The following ASIC2 variants were observed in gnomAD, a reference collection of about 807,000 sequenced individuals.
ASIC2 encodes the protein acid sensing ion channel subunit 2.
In ASIC2, 25 loss-of-function variants were observed where a neutral mutation model predicts 57.3. That is an observed-to-expected ratio of 0.44 (90% confidence interval 0.32 to 0.61). The LOEUF (loss-of-function observed/expected upper bound fraction) is 0.61, where lower values mean the gene tolerates loss of function less well. Among genes scored for constraint, ASIC2 ranks in the 20% least tolerant of loss-of-function variants. The pLI, the probability that ASIC2 is intolerant of heterozygous loss-of-function variation, is 0.06. For synonymous variants in ASIC2, 319 were observed against 307.5 expected (o/e 1.04, Z -0.39); for missense variants, 641 against 738.1 (o/e 0.87, Z 1.52).
At chr17:34,094,886 C>A (rs1161130156) in intron 1 of ASIC2, among the ~76,000 whole-genome samples, 1 of 152,212 alleles carries the variant, frequency 6.6e-6, no homozygotes, top group Non-Finnish European at 1.5e-5. Context: ...TTGAGATTCT[C>A]ATGCTGGAAT....
intron 1 of ASIC2, chr17:34,006,648 A>G (rs1906535443): frequency 6.6e-6 from 1 of 152,036 alleles, no homozygotes; most frequent in African/African-American, 2.4e-5. Context: ...CAGAATCATT[A>G]TATATATTCA....
intron 1 of ASIC2, among the ~76,000 whole-genome samples, chr17:33,667,759 G>A (rs867606902): frequency 3.3e-5 from 5 of 152,184 alleles, no homozygotes; most frequent in African/African-American, 9.7e-5. Context: ...CTGAAAGCAA[G>A]GGTTCACTGG....
At chr17:33,325,735 A>G (rs1907050137) in intron 1 of ASIC2, among the ~76,000 whole-genome samples, 1 of 152,178 alleles carries the variant, frequency 6.6e-6, no homozygotes, top group Non-Finnish European at 1.5e-5. Flanking sequence ...GATCATGGCT[A>G]TAATCCAAGC....
At chr17:34,123,167 C>T (rs543929646) in intron 1 of ASIC2, among the ~76,000 whole-genome samples, 1 of 152,240 alleles carries the variant, frequency 6.6e-6, no homozygotes, top group African/African-American at 2.4e-5. Flanking sequence ...AGGGTGATAA[C>T]AAGCTCTGGG....
At chr17:33,641,678 G>C (rs1487485692) in intron 1 of ASIC2, among the ~76,000 whole-genome samples, 1 of 152,128 alleles carries the variant, frequency 6.6e-6, no homozygotes, top group East Asian at 1.9e-4. Context: ...CCAAAACATA[G>C]GAAGACCGAG....
At chr17:33,649,779 G>A (rs1906860782) in intron 1 of ASIC2, among the ~76,000 whole-genome samples, 1 of 152,138 alleles carries the variant, frequency 6.6e-6, no homozygotes, top group Non-Finnish European at 1.5e-5. Flanking sequence ...AGTAAAGGAA[G>A]GTAAATTTTG....
chr17:33,958,618 G>A (rs1366661762), intron 1 of ASIC2, among the ~76,000 whole-genome samples: 1 of 152,146 alleles, frequency 6.6e-6, no homozygotes, highest in Non-Finnish European at 1.5e-5. Flanking sequence ...ACCATGTCCA[G>A]AGGCTGCACA....
At chr17:33,851,512 AC>A (rs770841828) in intron 1 of ASIC2, among the ~76,000 whole-genome samples, 1 of 152,254 alleles carries the variant, frequency 6.6e-6, no homozygotes, top group Non-Finnish European at 1.5e-5. Context: ...AAACAAAAAA[AC>A]AATCCACAAC....
intron 1 of ASIC2, among the ~76,000 whole-genome samples, chr17:33,426,337 A>T (rs1306869117): frequency 6.6e-6 from 1 of 152,208 alleles, no homozygotes; most frequent in Non-Finnish European, 1.5e-5. Flanking sequence ...GTGAATGCTC[A>T]TAATGAGAAG....
intron 3 of ASIC2, among the ~76,000 whole-genome samples, chr17:33,062,276 CCTG>C (rs1266960423): frequency 1.3e-5 from 2 of 152,124 alleles, no homozygotes; most frequent in Non-Finnish European, 2.9e-5. Flanking sequence ...TTAGATCTTT[CCTG>C]CTTTCTCTTG....
chr17:33,210,836 G>C (rs952593080), intron 1 of ASIC2, among the ~76,000 whole-genome samples: 1 of 152,126 alleles, frequency 6.6e-6, no homozygotes, highest in Non-Finnish European at 1.5e-5. Context: ...GGGTACCCTT[G>C]TTTCCCACTT....
intron 1 of ASIC2, among the ~76,000 whole-genome samples, chr17:33,203,114 A>G (rs916443220): frequency 6.6e-6 from 1 of 152,138 alleles, no homozygotes; most frequent in Admixed American, 6.5e-5. Flanking sequence ...TTGGCTAAAC[A>G]CCTAGGAGCC....
At chr17:33,415,896 C>T (rs1179658529) in intron 1 of ASIC2, among the ~76,000 whole-genome samples, 1 of 152,222 alleles carries the variant, frequency 6.6e-6, no homozygotes, top group Admixed American at 6.5e-5. Context: ...TCTGTTCCGC[C>T]TGGAACCTGT....
At chr17:33,213,028 A>G (rs1216576735) in intron 1 of ASIC2, among the ~76,000 whole-genome samples, 3 of 152,214 alleles carry the variant, frequency 2.0e-5, no homozygotes, top group Non-Finnish European at 4.4e-5. Context: ...AACTAATCGT[A>G]TAAACACAGT....
intron 1 of ASIC2, among the ~76,000 whole-genome samples, chr17:34,058,667 C>T (rs1179998003): frequency 6.7e-6 from 1 of 149,486 alleles, no homozygotes; most frequent in African/African-American, 2.5e-5. Context: ...TTAGCATTTC[C>T]TCCTACATAT....
intron 1 of ASIC2, among the ~76,000 whole-genome samples, chr17:34,085,721 T>C (rs909970240): frequency 6.6e-6 from 1 of 152,152 alleles, no homozygotes; most frequent in African/African-American, 2.4e-5. Context: ...TCAGCTCCTG[T>C]TATTGGTCTA....
chr17:33,098,111 G>C (rs2092191416), intron 2 of ASIC2, among the ~76,000 whole-genome samples: 1 of 152,186 alleles, frequency 6.6e-6, no homozygotes, highest in Non-Finnish European at 1.5e-5. Flanking sequence ...TGAAGCAGGG[G>C]CTGATCTCTC....
At chr17:33,141,066 T>G (rs918089070) in intron 1 of ASIC2, among the ~76,000 whole-genome samples, 2 of 152,018 alleles carry the variant, frequency 1.3e-5, no homozygotes, top group African/African-American at 4.8e-5. Flanking sequence ...GTCGCCTGTC[T>G]CCCTCATTGG....
intron 1 of ASIC2, among the ~76,000 whole-genome samples, chr17:33,513,888 T>A (rs1461653684): frequency 6.6e-6 from 1 of 152,244 alleles, no homozygotes; most frequent in African/African-American, 2.4e-5. Flanking sequence ...GGCACAGACC[T>A]GTGCCCCTTC....
Sources: gnomAD v4.1 joint callset for allele counts (sites outside exome capture counted in the v4.1 genomes callset) on GRCh38, gnomAD v4.1.1 for gene constraint, MANE v1.5 for transcripts, NCBI Gene and HGNC (gene_info 2026-07-23, HGNC 2026-07-21) for gene names.